Variants in GRID2 observed in about 807,000 individuals in gnomAD.
GRID2 encodes glutamate receptor ionotropic, delta-2.
A neutral mutation model predicts 114.8 loss-of-function variants in GRID2; 33 were observed. The ratio of observed to expected loss-of-function variants is 0.29; its 90% CI spans 0.22 to 0.38. The LOEUF (loss-of-function observed/expected upper bound fraction) is 0.38. GRID2 is among the 10% of genes least tolerant of loss of function. The probability of loss-of-function intolerance (pLI) is 1.00; values close to 1 mark genes in which losing one functional copy is unlikely to be tolerated. For missense variants in GRID2, 1,184 were observed against 1,257.7 expected (o/e 0.94, Z 0.89); for synonymous variants, 505 against 449.9 (o/e 1.12, Z -1.55).
chr4:92,759,396 C>G (rs967886908), intron 2 of GRID2, among the ~76,000 whole-genome samples: 3 of 151,870 alleles, frequency 2.0e-5, no homozygotes, highest in Non-Finnish European at 2.9e-5. Context: ...TACTTTATCT[C>G]CCCATGTTAA....
At position 93,656,844 on chromosome 4, in the gene GRID2, AAAAAAAAAAAAAAC is replaced by A. The variant is rs1268074165; in HGVS notation, c.2360+30413_2360+30426del. 5.0e-3 allele frequency among the ~76,000 whole-genome samples: 747 copies of A among 149,486 alleles called. 4 individuals carry two copies. Among genetic ancestry groups the A allele is most frequent in the African/African-American group, 0.017 (708 of 40,786 alleles). On this transcript the variant is annotated intron_variant, in intron 14 of 15. Coordinates refer to ENST00000282020, the MANE Select transcript of GRID2 (RefSeq NM_001510.4). Reference sequence around the variant, plus strand: ...GACTCTGCCTCAAAAAAAAAAAAAAAAAAAAAAAAAAAACAAATAATTCCAGCTGTCATTTCAAT... The same window carrying A: ...GACTCTGCCTCAAAAAAAAAAAAAAAAAATAATTCCAGCTGTCATTTCAAT...
At chr4:92,569,646 A>C (rs1046939237) in intron 1 of GRID2, among the ~76,000 whole-genome samples, 2 of 151,818 alleles carry the variant, frequency 1.3e-5, no homozygotes, top group African/African-American at 4.8e-5. Flanking sequence ...TTGTTTATTG[A>C]CTTTTTAATG....
chr4:93,148,274 A>G (rs1379323739), intron 4 of GRID2, among the ~76,000 whole-genome samples: 2 of 152,196 alleles, frequency 1.3e-5, no homozygotes, highest in Non-Finnish European at 2.9e-5. Flanking sequence ...CAAAGTAGAA[A>G]TAACACTACT....
rs571319871 is a variant in GRID2 at position 92,902,731 on chromosome 4, C to T, written c.245-182264C>T. On this transcript the variant is annotated intron_variant, in intron 2 of 15. Coordinates refer to ENST00000282020, the MANE Select transcript of GRID2 (RefSeq NM_001510.4). ...CATGGCAGTCCAATATTCCCAGTACCGTTTATTGAATAGGGTGTAATTCTC... is the reference window on the plus strand; with the variant it reads ...CATGGCAGTCCAATATTCCCAGTACTGTTTATTGAATAGGGTGTAATTCTC... 1.9e-3 allele frequency among the ~76,000 whole-genome samples: 292 copies of T among 152,078 alleles called. 2 individuals are homozygous for T. The highest frequency in any genetic ancestry group is 3.6e-3 in the Admixed American group (55 of 15,268).
chr4:92,909,755 T>G (rs1748230159), intron 2 of GRID2, among the ~76,000 whole-genome samples: 1 of 152,188 alleles, frequency 6.6e-6, no homozygotes, highest in South Asian at 2.1e-4. Context: ...AACCCATTAA[T>G]TAAGCACCTA....
chr4:92,783,018 C>G (rs1187762523), intron 2 of GRID2, among the ~76,000 whole-genome samples: 3 of 151,980 alleles, frequency 2.0e-5, no homozygotes, highest in Non-Finnish European at 4.4e-5. Context: ...TTTTATTACT[C>G]TTAGTATTAT....
At chr4:92,766,980 T>C (rs1361478233) in intron 2 of GRID2, among the ~76,000 whole-genome samples, 2 of 152,204 alleles carry the variant, frequency 1.3e-5, no homozygotes. Flanking sequence ...TCCCCAATAT[T>C]CATTCCCTTT....
intron 1 of GRID2, among the ~76,000 whole-genome samples, chr4:92,557,438 T>C (rs1487250251): frequency 6.6e-6 from 1 of 151,428 alleles, no homozygotes; most frequent in African/African-American, 2.4e-5. Context: ...AAATTATGCA[T>C]GGATCTACAA....
chr4:93,208,890 A>G (rs1743120990), intron 5 of GRID2, among the ~76,000 whole-genome samples: 1 of 152,000 alleles, frequency 6.6e-6, no homozygotes, highest in Non-Finnish European at 1.5e-5. Flanking sequence ...TGGAATAACT[A>G]AACGTTGGGA....
intron 1 of GRID2, among the ~76,000 whole-genome samples, chr4:92,539,959 T>C (rs1031065471): frequency 6.6e-6 from 1 of 152,022 alleles, no homozygotes; most frequent in Non-Finnish European, 1.5e-5. Context: ...TATAGACCAA[T>C]GGAACAGAAC....
intron 2 of GRID2, among the ~76,000 whole-genome samples, chr4:92,943,997 G>T (rs973596103): frequency 5.3e-5 from 8 of 152,136 alleles, no homozygotes; most frequent in East Asian, 1.9e-4. Flanking sequence ...TGCCCCTACT[G>T]GGGGGTGCCT....
At chr4:92,392,736 ATT>A (rs1224316800) in intron 1 of GRID2, among the ~76,000 whole-genome samples, 2 of 152,098 alleles carry the variant, frequency 1.3e-5, no homozygotes, top group Non-Finnish European at 2.9e-5. Flanking sequence ...TTCAAATATT[ATT>A]TTGTGTCCCA....
In GRID2 at chr4:92,590,279, T is replaced by A. The variant is rs1029645404; in HGVS notation, c.237T>A (p.Val79=). The A allele has an allele frequency of 9.9e-6, 16 of 1,611,194 alleles. 1 individual carries two copies. In the East Asian group the frequency reaches 1.1e-4, roughly 11 times the overall value. ...ATGGCAACAACCCTTTCCAAGCAGT[T>A]CAAGAAGGTAAGGTCATCAGTATTT... ...FVDGNNPFQA[V]QEACELMNQG... Residue 79 remains valine (V), a synonymous_variant, in exon 2 of 16, where the codon GTT becomes GTA. Transcript: ENST00000282020.
At chr4:92,471,184 A>G (rs542828183) in intron 1 of GRID2, among the ~76,000 whole-genome samples, 3 of 152,068 alleles carry the variant, frequency 2.0e-5, no homozygotes, top group Non-Finnish European at 2.9e-5. Context: ...AATGTGAGTC[A>G]TTTAAACAAC....
intron 10 of GRID2, among the ~76,000 whole-genome samples, chr4:93,432,514 A>C (rs1769511001): frequency 6.6e-6 from 1 of 152,206 alleles, no homozygotes; most frequent in Non-Finnish European, 1.5e-5. Flanking sequence ...GAAATACGAA[A>C]GTTCTAGAAT....
chr4:92,704,374 AGTT>A (rs534104448), intron 2 of GRID2, among the ~76,000 whole-genome samples: 2 of 152,158 alleles, frequency 1.3e-5, no homozygotes, highest in Non-Finnish European at 2.9e-5. Context: ...TTACTTCCCT[AGTT>A]GTTATGGGTT....
intron 2 of GRID2, among the ~76,000 whole-genome samples, chr4:92,989,276 CAAAAAAAA>C (rs1182397768): frequency 6.7e-4 from 50 of 74,298 alleles, no homozygotes; most frequent in African/African-American, 1.9e-3. Flanking sequence ...GACTCCATCT[CAAAAAAAA>C]AAAAAAAAAA....
At chr4:93,037,865 G>A (rs1725070740) in intron 2 of GRID2, among the ~76,000 whole-genome samples, 1 of 152,130 alleles carries the variant, frequency 6.6e-6, no homozygotes, top group African/African-American at 2.4e-5. Flanking sequence ...TTGAAGTTAG[G>A]TAGCGTGATC....
At chr4:92,554,617 G>GA (rs1726761852) in intron 1 of GRID2, among the ~76,000 whole-genome samples, 1 of 151,912 alleles carries the variant, frequency 6.6e-6, no homozygotes, top group Non-Finnish European at 1.5e-5. Flanking sequence ...ATTTTTGGTA[G>GA]AAAAAAATCT....
Sources: gnomAD v4.1 joint callset for allele counts (sites outside exome capture counted in the v4.1 genomes callset) on GRCh38, gnomAD v4.1.1 for gene constraint, MANE v1.5 for transcripts, NCBI Gene and HGNC (gene_info 2026-07-23, HGNC 2026-07-21) for gene names.